The following NMNAT3 variants were observed in gnomAD, a reference collection of about 807,000 sequenced individuals.
NMNAT3 encodes the protein nicotinamide nucleotide adenylyltransferase 3, also known as nicotinamide/nicotinic acid mononucleotide adenylyltransferase 3.
In NMNAT3, 21 loss-of-function variants were observed where a neutral mutation model predicts 24.8. The ratio of observed to expected loss-of-function variants is 0.85; its 90% CI spans 0.60 to 1.22. NMNAT3 has a LOEUF of 1.22. NMNAT3 is among the 50% of genes most tolerant of loss of function. The probability of loss-of-function intolerance (pLI) is 0.00; values close to 1 mark genes in which losing one functional copy is unlikely to be tolerated. For synonymous variants in NMNAT3, 136 were observed against 155.2 expected, an observed-to-expected ratio of 0.88 and a Z score of 0.92; for missense variants, 387 against 436.6, an observed-to-expected ratio of 0.89 and a Z score of 1.01.
At chr3:139,620,565 T>A (rs1249162088) in intron 3 of NMNAT3, among the ~76,000 whole-genome samples, 2 of 152,200 alleles carry the variant, frequency 1.3e-5, no homozygotes, top group Non-Finnish European at 2.9e-5. Context: ...TATTCACATG[T>A]TGATGGATAT....
At chr3:139,595,760 G>A (rs2054424762) in intron 3 of NMNAT3, among the ~76,000 whole-genome samples, 2 of 152,172 alleles carry the variant, frequency 1.3e-5, no homozygotes, top group Non-Finnish European at 2.9e-5. Flanking sequence ...CTAGCCATAT[G>A]TAGAAAGCTG....
Position 139,561,243 on chromosome 3 carries a change from T to C in NMNAT3, c.808A>G (p.Ile270Val), listed in dbSNP as rs759124637. 2.2e-5 allele frequency: 35 copies of C among 1,614,146 alleles called. No individual in the cohort carries two copies. Among genetic ancestry groups the C allele is most frequent in the Non-Finnish European group, 2.8e-5 (33 of 1,180,006 alleles). Residue 270 changes from isoleucine (I) to valine (V), a missense_variant, in exon 7 of 7, where the codon ATC (isoleucine) becomes GTC (valine). By Grantham distance (29) the Ile-to-Val change is conservative. Around this residue, in one of 3 missense-constraint regions of NMNAT3, gnomAD observed 323 missense variants for 345.2 expected, o/e 0.94. Coordinates refer to ENST00000643695, the MANE Select transcript of NMNAT3 (RefSeq NM_001320510.2). ...ATCCGTAGGATGGGAGATTCTGCGA[T>C]GTAACCTTTTGGGTCGTGACCTACT...
At chr3:139,595,612 G>T (rs913222046) in intron 3 of NMNAT3, among the ~76,000 whole-genome samples, 1 of 152,148 alleles carries the variant, frequency 6.6e-6, no homozygotes, top group African/African-American at 2.4e-5. Context: ...CCAAAACAGA[G>T]ATATAGATCA....
intron 6 of NMNAT3, among the ~76,000 whole-genome samples, chr3:139,563,423 C>T (rs1265569925): frequency 6.6e-6 from 1 of 152,194 alleles, no homozygotes; most frequent in African/African-American, 2.4e-5. Context: ...TCTCTTCCTA[C>T]AGGTCAGAGA....
Position 139,561,068 on chromosome 3 carries a change from G to A in NMNAT3, c.983C>T (p.Thr328Ile), listed in dbSNP as rs140490627. 37 of 1,613,966 alleles carry A rather than the reference G, an allele frequency of 2.3e-5. No individual in the cohort carries two copies. In the African/African-American group the frequency reaches 3.1e-4, roughly 13 times the overall value. Residue 328 changes from threonine (T) to isoleucine (I), a missense_variant, in exon 7 of 7, where the codon ACC becomes ATC. Thr to Ile is a moderately conservative substitution (Grantham distance 89). Around this residue, in one of 3 missense-constraint regions of NMNAT3, gnomAD observed 323 missense variants for 345.2 expected, o/e 0.94. Transcript: ENST00000643695. The stretch of plus-strand genomic sequence containing the variant: ...TTTGCCTTTCCAGGTACTGCCCTTG[G>A]TGTAGAGGCCATGGTCCTTGATGTA...
chr3:139,627,802 A>C, intron 2 of NMNAT3, 38 bp from the exon 4 acceptor site: 1 of 727,504 alleles, frequency 1.4e-6, no homozygotes, highest in Non-Finnish European at 2.2e-6. Context: ...GGGAGTTAGC[A>C]CTGAGACAAT....
intron 5 of NMNAT3, among the ~76,000 whole-genome samples, chr3:139,577,356 C>T (rs943589899): frequency 3.9e-5 from 6 of 152,174 alleles, no homozygotes; most frequent in African/African-American, 1.4e-4. Flanking sequence ...CCTACATCAT[C>T]TCATTTAATT....
At chr3:139,627,879 G>C in intron 2 of NMNAT3, 115 bp from the exon 4 acceptor site, 1 of 477,192 alleles carries the variant, frequency 2.1e-6, no homozygotes, top group Non-Finnish European at 3.7e-6. Flanking sequence ...GACTGAGGAG[G>C]CCATTAAAAC....
intron 3 of NMNAT3, chr3:139,599,088 C>T (rs1006940238): frequency 3.0e-5 from 15 of 491,844 alleles, no homozygotes; most frequent in South Asian, 2.6e-4. Context: ...CCTCACAAAC[C>T]GTGAAGCAAA....
chr3:139,613,571 G>C (rs1432406196), intron 3 of NMNAT3, among the ~76,000 whole-genome samples: 1 of 152,194 alleles, frequency 6.6e-6, no homozygotes, highest in Admixed American at 6.5e-5. Context: ...GTGGAAGTCA[G>C]TGTGGTGATT....
chr3:139,617,666 A>G (rs529823192), intron 3 of NMNAT3, among the ~76,000 whole-genome samples: 4 of 152,360 alleles, frequency 2.6e-5, no homozygotes, highest in African/African-American at 9.6e-5. Flanking sequence ...TTTAAAATAA[A>G]CACACGTGGA....
Position 139,579,038 on chromosome 3 carries a change from G to A in NMNAT3, c.409C>T (p.Gln137Ter). 1.2e-6 allele frequency: 2 copies of A among 1,613,802 alleles called. No homozygotes were observed. The highest frequency in any genetic ancestry group is 1.7e-5 in the Admixed American group (1 of 59,998). The change falls in exon 5 of 7, where the codon CAG becomes TAG. Residue 137 changes from glutamine to a stop codon, truncating the protein, a stop_gained. Coordinates refer to ENST00000643695, the MANE Select transcript of NMNAT3 (RefSeq NM_001320510.2). LOFTEE classifies it high-confidence loss of function. ...TCGTTGACAGGAGAGATGATACCCT[G>A]GATGACCTGGTACATTCCTAGGTAA...
At chr3:139,600,341 T>A (rs2054656536) in intron 3 of NMNAT3, among the ~76,000 whole-genome samples, 1 of 151,952 alleles carries the variant, frequency 6.6e-6, no homozygotes, top group Non-Finnish European at 1.5e-5. Context: ...GTTTTGCTCT[T>A]GTAGCACTGG....
At chr3:139,627,187 C>T (rs915833758) in intron 3 of NMNAT3, among the ~76,000 whole-genome samples, 16 of 152,144 alleles carry the variant, frequency 1.1e-4, no homozygotes, top group Non-Finnish European at 2.2e-4. Context: ...AAGATCTATT[C>T]TTTAAAATGA....
intron 1 of NMNAT3, among the ~76,000 whole-genome samples, chr3:139,675,025 A>G (rs1453863091): frequency 6.6e-6 from 1 of 152,136 alleles, no homozygotes; most frequent in African/African-American, 2.4e-5. Flanking sequence ...ATCTGACTAC[A>G]AGACTATGGT....
At chr3:139,590,630 C>A (rs997184029) in intron 3 of NMNAT3, among the ~76,000 whole-genome samples, 15 of 152,118 alleles carry the variant, frequency 9.9e-5, no homozygotes, top group African/African-American at 3.4e-4. Flanking sequence ...CTTAGAGTAA[C>A]AACTTTTATT....
At chr3:139,669,353 T>C (rs2108450263) in intron 1 of NMNAT3, among the ~76,000 whole-genome samples, 1 of 151,824 alleles carries the variant, frequency 6.6e-6, no homozygotes, top group East Asian at 1.9e-4. Flanking sequence ...TGCATGCCTG[T>C]AGTCCCAGCT....
At chr3:139,598,447 C>T (rs1051584362) in intron 3 of NMNAT3, among the ~76,000 whole-genome samples, 1 of 152,112 alleles carries the variant, frequency 6.6e-6, no homozygotes, top group Non-Finnish European at 1.5e-5. Context: ...TTCTAAAAAA[C>T]GCCCAAACTA....
chr3:139,613,120 A>C (rs9821925), intron 3 of NMNAT3, among the ~76,000 whole-genome samples: 141,377 of 151,972 alleles, frequency 0.93, 66,650 homozygotes, highest in East Asian at 1. Context: ...CAACAAAAGC[A>C]AAAATTGACA....
Sources: gnomAD v4.1 joint callset for allele counts (sites outside exome capture counted in the v4.1 genomes callset) on GRCh38, gnomAD v4.1.1 for gene constraint, gnomAD v4.1.1 regional missense constraint, MANE v1.5 for transcripts, NCBI Gene and HGNC (gene_info 2026-07-23, HGNC 2026-07-21) for gene names.